MTFR1: variants seen among roughly 807,000 people sequenced by gnomAD.
MTFR1 encodes chondrocyte protein with a poly-proline region.
A neutral mutation model predicts 38.8 loss-of-function variants in MTFR1; 28 were observed. That is an observed-to-expected ratio of 0.72 (90% confidence interval 0.53 to 0.99). MTFR1 has a LOEUF of 0.99. Ranked by LOEUF, MTFR1 falls within the 50% of genes least tolerant of loss-of-function variation. The pLI, the probability that MTFR1 is intolerant of heterozygous loss-of-function variation, is 0.00. For missense variants in MTFR1, 358 were observed against 395.5 expected (o/e 0.91, Z 0.81); for synonymous variants, 145 against 137.0 (o/e 1.06, Z -0.41).
chr8:65,772,242 A>G (rs994191265), downstream of MTFR1, among the ~76,000 whole-genome samples: 6 of 152,232 alleles, frequency 3.9e-5, no homozygotes, highest in Non-Finnish European at 7.3e-5. Flanking sequence ...AATTTAATAC[A>G]CATATCCAGA....
intron 1 of MTFR1, among the ~76,000 whole-genome samples, chr8:65,651,343 C>T (rs1490943021): frequency 6.6e-6 from 1 of 152,122 alleles, no homozygotes; most frequent in Non-Finnish European, 1.5e-5. Flanking sequence ...GCCTAATACC[C>T]CATGTGGGGT....
intron 3 of MTFR1, among the ~76,000 whole-genome samples, chr8:65,686,507 G>C (rs903285026): frequency 4.0e-5 from 6 of 151,306 alleles, no homozygotes; most frequent in Admixed American, 4.0e-4. Context: ...TTGAACCTGG[G>C]AGGCGGAGGT....
At chr8:65,757,924 A>G (rs895181498) in intron 3 of MTFR1, among the ~76,000 whole-genome samples, 2 of 152,148 alleles carry the variant, frequency 1.3e-5, no homozygotes, top group Non-Finnish European at 2.9e-5. Flanking sequence ...GCCAACTCCA[A>G]GACTTTTAAT....
intron 4 of MTFR1, among the ~76,000 whole-genome samples, chr8:65,701,889 G>T (rs1226103845): frequency 3.3e-5 from 5 of 152,164 alleles, no homozygotes; most frequent in Non-Finnish European, 7.3e-5. Context: ...GTGGATCAGA[G>T]CAAGGTTTCC....
At chr8:65,662,022 TCTCTCTCTCC>T (rs1400474686) in intron 1 of MTFR1, among the ~76,000 whole-genome samples, 3,220 of 133,514 alleles carry the variant, frequency 0.024, 132 homozygotes, top group African/African-American at 0.056. Context: ...TCTCTCTCCC[TCTCTCTCTCC>T]CTCTCTCTCC....
rs1179431555 is a variant in MTFR1, at chr8:65,730,171, C to CTTTTTTTT, written c.*48+10709_*48+10716dup. Among the ~76,000 whole-genome samples, 220 of 86,418 alleles carry CTTTTTTTT rather than the reference C, an allele frequency of 2.5e-3. 41 individuals are homozygous for CTTTTTTTT. The highest frequency in any genetic ancestry group is 6.7e-3 in the African/African-American group (141 of 20,926). The allele number at this position is 86,418 out of a possible 152,430, so 56.7% of individuals were successfully genotyped here. Reference sequence around the variant, plus strand: ...TGTGAGGGATCCAGGTTGCGCACTTCTTTTTTTTTTTTTTTTTTTTTTTTT... The same window carrying CTTTTTTTT: ...TGTGAGGGATCCAGGTTGCGCACTTCTTTTTTTTTTTTTTTTTTTTTTTTTTTTTTTTT... On this transcript the variant is annotated intron_variant, in intron 3 of 3. Transcript: ENST00000521247.
At chr8:65,681,578 T>C (rs946414096) in intron 2 of MTFR1, among the ~76,000 whole-genome samples, 12 of 152,184 alleles carry the variant, frequency 7.9e-5, no homozygotes, top group African/African-American at 2.7e-4. Flanking sequence ...TAGTTTTTCC[T>C]TTAAAGAGGG....
At chr8:65,667,268 C>T (rs1441977698) in intron 1 of MTFR1, among the ~76,000 whole-genome samples, 1 of 144,334 alleles carries the variant, frequency 6.9e-6, no homozygotes, top group African/African-American at 2.5e-5. Context: ...AAGAGTGAAA[C>T]TCCGTCTCAA....
chr8:65,761,142 C>G (rs1347290822), intron 3 of MTFR1, among the ~76,000 whole-genome samples: 1 of 152,028 alleles, frequency 6.6e-6, no homozygotes, highest in Non-Finnish European at 1.5e-5. Context: ...TCACTGCAAC[C>G]TCCGCCTCCC....
chr8:65,708,875 C>T, intron 7 of MTFR1, 101 bp from the exon 8 acceptor site: 1 of 1,168,060 alleles, frequency 8.6e-7, no homozygotes, highest in East Asian at 2.4e-5. Context: ...GTTTTTCATG[C>T]AGAACATACC....
chr8:65,704,599 T>A (rs1459545066), intron 4 of MTFR1, 95 bp from the exon 5 acceptor site: 1 of 951,616 alleles, frequency 1.1e-6, no homozygotes, highest in Non-Finnish European at 1.6e-6. Context: ...GAAAAGAGGT[T>A]CTTGGGTGTT....
At chr8:65,697,932 T>C (rs1365007388) in intron 4 of MTFR1, among the ~76,000 whole-genome samples, 1 of 152,186 alleles carries the variant, frequency 6.6e-6, no homozygotes, top group African/African-American at 2.4e-5. Flanking sequence ...TTATAAATAT[T>C]TTCTCCTACT....
At chr8:65,763,019 G>A (rs1808588690) in intron 3 of MTFR1, among the ~76,000 whole-genome samples, 1 of 151,124 alleles carries the variant, frequency 6.6e-6, no homozygotes, top group South Asian at 2.1e-4. Context: ...GTGTGTGTGT[G>A]TGTGTGTGTG....
At chr8:65,778,337 G>A in the MTFR1 span, among the ~76,000 whole-genome samples, 163 of 152,326 alleles carry the variant, frequency 1.1e-3, no homozygotes, top group Middle Eastern at 0.01. Context: ...CATTTATGGA[G>A]AGAGAAAAAT....
At chr8:65,760,096 T>C (rs1808421296) in intron 3 of MTFR1, among the ~76,000 whole-genome samples, 1 of 152,022 alleles carries the variant, frequency 6.6e-6, no homozygotes, top group Admixed American at 6.6e-5. Flanking sequence ...AAAAATTATC[T>C]GGGTGTGGTG....
intron 3 of MTFR1, among the ~76,000 whole-genome samples, chr8:65,752,220 T>G (rs1428503670): frequency 6.6e-6 from 1 of 152,218 alleles, no homozygotes; most frequent in Non-Finnish European, 1.5e-5. Context: ...CCTTTCACTC[T>G]TATCTCTACT....
chr8:65,737,717 C>G (rs1197891100), intron 3 of MTFR1, among the ~76,000 whole-genome samples: 1 of 152,118 alleles, frequency 6.6e-6, no homozygotes, highest in Admixed American at 6.6e-5. Flanking sequence ...CGGGGTTTCA[C>G]CATGTTGGCC....
At position 65,682,333 on chromosome 8, in the gene MTFR1, G is replaced by A. The variant is rs772811971; in HGVS notation, c.67-20G>A. On this transcript the variant is annotated intron_variant, in intron 2 of 7. Transcript: ENST00000262146. The stretch of plus-strand genomic sequence containing the variant: ...CTGTACATCTTGTAATTAAGCTTTC[G>A]GTTTTTCCTACTTCCTCAGGTACTT... 1.7e-5 allele frequency: 23 copies of A among 1,378,680 alleles called. No individual in the cohort carries two copies. The highest frequency in any genetic ancestry group is 2.9e-5 in the African/African-American group (2 of 67,994). The allele number at this position is 1,378,680 out of a possible 1,614,324, so 85.4% of individuals were successfully genotyped here. A position where few individuals can be genotyped will look rare whatever the true frequency, so the allele number is the denominator to read the frequency against.
chr8:65,688,768 G>T (rs1362781260), intron 3 of MTFR1, among the ~76,000 whole-genome samples: 1 of 151,958 alleles, frequency 6.6e-6, no homozygotes, highest in African/African-American at 2.4e-5. Context: ...TCTTAGCATG[G>T]AAGCAACTGG....
Sources: allele counts gnomAD v4.1 joint callset (sites outside exome capture counted in the v4.1 genomes callset), GRCh38; gene constraint gnomAD v4.1.1; transcripts MANE v1.5; gene names NCBI Gene and HGNC (gene_info 2026-07-23, HGNC 2026-07-21).